Variants in TMTC1 observed in about 807,000 individuals in gnomAD.
The protein encoded by TMTC1 is transmembrane O-mannosyltransferase targeting cadherins 1.
TMTC1 carries 73 observed loss-of-function variants against 104.8 expected under a neutral mutation model. The observed-to-expected ratio is 0.70, with a 90% confidence interval of 0.58 to 0.85. The LOEUF (loss-of-function observed/expected upper bound fraction) is 0.85. Among genes scored for constraint, TMTC1 ranks in the 40% least tolerant of loss-of-function variants. The probability of loss-of-function intolerance (pLI) is 0.00; values close to 1 mark genes in which losing one functional copy is unlikely to be tolerated. For synonymous variants in TMTC1, 434 were observed against 428.7 expected (o/e 1.01, Z -0.15); for missense variants, 1,035 against 1,096.1 (o/e 0.94, Z 0.79).
intron 1 of TMTC1, among the ~76,000 whole-genome samples, chr12:29,768,531 A>G (rs1565824735): frequency 6.6e-6 from 1 of 152,216 alleles, no homozygotes; most frequent in Non-Finnish European, 1.5e-5. Flanking sequence ...CAGTTGGGAC[A>G]AATGAAGCAT....
chr12:29,617,136 A>G, intron 6 of TMTC1, among the ~76,000 whole-genome samples: 1 of 151,636 alleles, frequency 6.6e-6, no homozygotes, highest in Non-Finnish European at 1.5e-5. Flanking sequence ...TTTTAAGATC[A>G]TTTTCCATTT....
In TMTC1 at chr12:29,711,946, GCAGTGAGCC is replaced by G. The variant is rs1421467187; in HGVS notation, c.938+39711_938+39719del. Among the ~76,000 whole-genome samples the G allele has an allele frequency of 2.2e-5, 3 of 137,538 alleles. No homozygotes were observed. The East Asian group carries it at 6.8e-4, about 31-fold the overall frequency. The allele number at this position is 137,538 out of a possible 152,430, so 90.2% of individuals were successfully genotyped here. ...GGCGTGAACCCAGGAGGCAGAGCTT[GCAGTGAGCC>G]CAGATCGTGCCACTGCACTCCAGCC... is the stretch of plus-strand genomic sequence containing the variant. On this transcript the variant is annotated intron_variant, in intron 5 of 17. Transcript: ENST00000539277.
intron 10 of TMTC1, among the ~76,000 whole-genome samples, chr12:29,544,181 G>T (rs894120808): frequency 4.6e-5 from 7 of 151,212 alleles, no homozygotes; most frequent in African/African-American, 1.7e-4. Flanking sequence ...GGCAGAGGTT[G>T]CAGTGAGCTG....
intron 5 of TMTC1, among the ~76,000 whole-genome samples, chr12:29,674,966 T>C (rs1940668514): frequency 1.3e-5 from 2 of 152,376 alleles, no homozygotes; most frequent in East Asian, 1.9e-4. Context: ...ATCTAATGTT[T>C]CCATTTTCTT....
chr12:29,595,479 G>A (rs1946382341), intron 7 of TMTC1, among the ~76,000 whole-genome samples: 1 of 152,086 alleles, frequency 6.6e-6, no homozygotes, highest in Admixed American at 6.5e-5. Context: ...TCCCTTCCTG[G>A]TCATGACCTT....
At chr12:29,661,945 T>C (rs1940048607) in intron 5 of TMTC1, among the ~76,000 whole-genome samples, 1 of 152,128 alleles carries the variant, frequency 6.6e-6, no homozygotes, top group Non-Finnish European at 1.5e-5. Flanking sequence ...GTTCTGGATA[T>C]CTACATATAA....
intron 9 of TMTC1, among the ~76,000 whole-genome samples, chr12:29,557,821 C>A (rs532656601): frequency 1.6e-4 from 24 of 152,246 alleles, no homozygotes; most frequent in African/African-American, 5.8e-4. Flanking sequence ...AATGTCACCC[C>A]ATAAAAATAA....
chr12:29,634,071 TC>T (rs1938430911), intron 5 of TMTC1, among the ~76,000 whole-genome samples: 1 of 152,190 alleles, frequency 6.6e-6, no homozygotes, highest in Non-Finnish European at 1.5e-5. Context: ...ACAATCAAAC[TC>T]TAGCATAGCC....
chr12:29,699,772 T>C (rs933218849), intron 5 of TMTC1, among the ~76,000 whole-genome samples: 1 of 149,754 alleles, frequency 6.7e-6, no homozygotes, highest in African/African-American at 2.5e-5. Flanking sequence ...CCTGAGTAGC[T>C]GGGACTACAG....
intron 5 of TMTC1, among the ~76,000 whole-genome samples, chr12:29,743,641 C>T (rs560386567): frequency 6.6e-6 from 1 of 152,196 alleles, no homozygotes; most frequent in South Asian, 2.1e-4. Context: ...GGAAAGCCCA[C>T]CAAATTATCT....
chr12:29,552,576 G>C (rs1029448316), intron 10 of TMTC1, among the ~76,000 whole-genome samples: 1 of 152,162 alleles, frequency 6.6e-6, no homozygotes, highest in African/African-American at 2.4e-5. Flanking sequence ...GGCTAGAGCA[G>C]GTCTAGGTTC....
chr12:29,644,158 TATATAA>T, intron 5 of TMTC1, among the ~76,000 whole-genome samples: 1 of 114,392 alleles, frequency 8.7e-6, no homozygotes, highest in Non-Finnish European at 2.1e-5. Flanking sequence ...TGTATATATA[TATATAA>T]TGAAATACTA....
intron 5 of TMTC1, among the ~76,000 whole-genome samples, chr12:29,737,591 G>T (rs1245958400): frequency 1.3e-5 from 2 of 152,196 alleles, no homozygotes; most frequent in Admixed American, 6.5e-5. Context: ...ACAGATTCCT[G>T]CTCCCAGGAG....
chr12:29,725,318 C>G (rs774322005), intron 5 of TMTC1, among the ~76,000 whole-genome samples: 2 of 151,888 alleles, frequency 1.3e-5, no homozygotes, highest in South Asian at 4.2e-4. Context: ...TGAGCCACCA[C>G]GCCTGGCCTG....
intron 5 of TMTC1, among the ~76,000 whole-genome samples, chr12:29,698,527 T>G (rs936287521): frequency 4.6e-5 from 7 of 152,196 alleles, no homozygotes; most frequent in Non-Finnish European, 7.3e-5. Context: ...ACTCTGGAGA[T>G]GTTGACAAAT....
intron 2 of TMTC1, among the ~76,000 whole-genome samples, chr12:29,759,463 C>T (rs1279486797): frequency 6.6e-6 from 1 of 152,226 alleles, no homozygotes; most frequent in East Asian, 1.9e-4. Context: ...TGCCACTGCA[C>T]TCAGCCTGGG....
intron 2 of TMTC1, 118 bp downstream of exon 2, chr12:29,767,780 A>C (rs749162702): frequency 1.7e-5 from 16 of 940,058 alleles, no homozygotes; most frequent in Admixed American, 2.9e-5. Context: ...CTATATACAC[A>C]CACATATCTA....
chr12:29,743,303 C>T (rs555647746), intron 5 of TMTC1, among the ~76,000 whole-genome samples: 84 of 152,210 alleles, frequency 5.5e-4, no homozygotes, highest in African/African-American at 1.6e-3. Flanking sequence ...TCATACGTTT[C>T]GCAAGAATCA....
At chr12:29,611,149 T>C (rs1946833933) in intron 6 of TMTC1, among the ~76,000 whole-genome samples, 1 of 151,894 alleles carries the variant, frequency 6.6e-6, no homozygotes, top group Admixed American at 6.6e-5. Context: ...ACTGACATTT[T>C]AGATTTCTGG....
Sources: allele counts gnomAD v4.1 joint callset (sites outside exome capture counted in the v4.1 genomes callset), GRCh38; gene constraint gnomAD v4.1.1; transcripts MANE v1.5; gene names NCBI Gene and HGNC (gene_info 2026-07-23, HGNC 2026-07-21).